PURA: variants seen among roughly 807,000 people sequenced by gnomAD.
PURA encodes the protein purine rich element binding protein A, also known as transcriptional activator protein Pur-alpha.
Under a neutral mutation model 23.1 loss-of-function variants are expected in PURA, and 2 were observed. The observed-to-expected ratio is 0.09, with a 90% confidence interval of 0.04 to 0.27. PURA has a LOEUF of 0.27. Ranked by LOEUF, PURA falls within the 10% of genes least tolerant of loss-of-function variation. The pLI is 1.00. For synonymous variants in PURA, 254 were observed against 205.9 expected (o/e 1.23, Z -2.00); for missense variants, 187 against 449.7 (o/e 0.42, Z 5.28).
rs1016110726 is a variant in PURA, at chr5:140,122,561, C to T, written c.*7411C>T. ...TTAACCTTGTAGACCTTATGAGGCC[C>T]TCAATAATACTGTATTTCTAAAATT... On this transcript the variant is annotated 3_prime_UTR_variant, in exon 1 of 1. Transcript: ENST00000331327. 2.4e-5 allele frequency: 4 copies of T among 166,804 alleles called. No homozygotes were observed. The highest frequency in any genetic ancestry group is 9.7e-5 in the African/African-American group (4 of 41,422). The allele number at this position is 166,804 out of a possible 1,614,324, so 10.3% of individuals were successfully genotyped here.
rs1301310773 is a variant in PURA, at chr5:140,121,385, A to C, written c.*6235A>C. 1 of 166,936 alleles carries C rather than the reference A, an allele frequency of 6.0e-6. No individual in the cohort carries two copies. The highest frequency in any genetic ancestry group is 2.4e-5 in the African/African-American group (1 of 41,432). 10.3% of individuals were successfully genotyped at this position (166,936 alleles called of 1,614,324 possible). On this transcript the variant is annotated 3_prime_UTR_variant, in exon 1 of 1. Transcript: ENST00000331327. ...TTGACTAGCTCAAACAATGATAGCC[A>C]TCAGCTAATGACTTATCAGACACAT...
chr5:140,114,463 C>A lies in PURA; in HGVS notation c.282C>A (p.Gly94=), dbSNP rs566627139. The A allele has an allele frequency of 6.2e-7, 1 of 1,612,460 alleles. No homozygotes were observed. The highest frequency in any genetic ancestry group is 8.5e-7 in the Non-Finnish European group (1 of 1,179,616). ...RFLKIAEVGA[G]GNKSRLTLSM... ...TGAAGATCGCCGAGGTGGGCGCGGG[C>A]GGCAACAAGAGCCGCCTTACTCTCT... Residue 94 remains glycine, a synonymous_variant, in exon 1 of 1, where the codon GGC becomes GGA. Coordinates refer to ENST00000331327, the MANE Select transcript of PURA (RefSeq NM_005859.5).
In PURA at chr5:140,114,281, GGTGGTGGCGGCGGGGGCGGCGGCGGCA is replaced by G. The variant is rs1433370088; in HGVS notation, c.105_131del (p.Gly41_Gly49del). 7.3e-6 allele frequency: 9 copies of G among 1,235,294 alleles called. No homozygotes were observed. Among genetic ancestry groups the G allele is most frequent in the African/African-American group, 1.6e-5 (1 of 63,082 alleles). 76.5% of individuals were successfully genotyped at this position (1,235,294 alleles called of 1,614,324 possible). ...CTCGGGCTCAGGCTCCGGCGGGGGCGGTGGTGGCGGCGGGGGCGGCGGCGGCAGTGGCGGCGGCGGCGGCGGGGCCCC... is the reference window on the plus strand; with the variant it reads ...CTCGGGCTCAGGCTCCGGCGGGGGCGGTGGCGGCGGCGGCGGCGGGGCCCC... On this transcript the variant is annotated inframe_deletion, in exon 1 of 1. Transcript: ENST00000331327.
At position 140,115,357 on chromosome 5, in the gene PURA, G is replaced by T; in HGVS notation, c.*207G>T. ...CTTCTTGACTTGCCACCCATCGCTGGATGTTGTCCACTTTATCCACCATAT... is the reference window on the plus strand; with the variant it reads ...CTTCTTGACTTGCCACCCATCGCTGTATGTTGTCCACTTTATCCACCATAT... On this transcript the variant is annotated 3_prime_UTR_variant, in exon 1 of 1. Coordinates refer to ENST00000331327, the MANE Select transcript of PURA (RefSeq NM_005859.5). This position sits in a 1 kb window ranked among gnomAD's most constrained non-coding sequence, Gnocchi z 4.1. 1 of 411,810 alleles carries T rather than the reference G, an allele frequency of 2.4e-6. No individual in the cohort carries two copies. 25.5% of individuals were successfully genotyped at this position (411,810 alleles called of 1,614,324 possible).
chr5:140,115,472 A>G lies in PURA; in HGVS notation c.*322A>G. The G allele has an allele frequency of 5.2e-6, 1 of 191,512 alleles. No homozygotes were observed. The highest frequency in any genetic ancestry group is 1.2e-5 in the Non-Finnish European group (1 of 84,558). 11.9% of individuals were successfully genotyped at this position (191,512 alleles called of 1,614,324 possible). ...TTTCCTACTTGATTAAAAAATATAA[A>G]GAACTGAGTGTTTATTTCCCTAATT... On this transcript the variant is annotated 3_prime_UTR_variant, in exon 1 of 1. Transcript: ENST00000331327. The surrounding 1 kb of genome is among the most constrained non-coding windows in gnomAD (Gnocchi z 4.1).
Position 140,120,401 on chromosome 5 carries a change from C to G in PURA, c.*5251C>G, listed in dbSNP as rs1763139576. On this transcript the variant is annotated 3_prime_UTR_variant, in exon 1 of 1. Transcript: ENST00000331327. ...TTTTAAATCACAATATTTCTGTTTT[C>G]TTCATTGCATATTAACCAAATTTTG... 6.0e-6 allele frequency: 1 copy of G among 166,722 alleles called. No homozygotes were observed. The highest frequency in any genetic ancestry group is 2.4e-5 in the African/African-American group (1 of 41,416). 10.3% of individuals were successfully genotyped at this position (166,722 alleles called of 1,614,324 possible).
chr5:140,114,271 C>T lies in PURA; in HGVS notation c.90C>T (p.Ser30=), dbSNP rs1763036542. The change falls in exon 1 of 1, where the codon TCC becomes TCT. Residue 30 remains serine (S), a synonymous_variant. Coordinates refer to ENST00000331327, the MANE Select transcript of PURA (RefSeq NM_005859.5). ...SLGHPGSGSG[S]GGGGGGGGGG... Reference sequence around the variant, plus strand: ...GGCACCCCGGCTCGGGCTCAGGCTCCGGCGGGGGCGGTGGTGGCGGCGGGG... The same window carrying T: ...GGCACCCCGGCTCGGGCTCAGGCTCTGGCGGGGGCGGTGGTGGCGGCGGGG... 5.0e-6 allele frequency: 6 copies of T among 1,206,104 alleles called. No homozygotes were observed. The South Asian group carries it at 2.5e-4, about 49-fold the overall frequency. 74.7% of individuals were successfully genotyped at this position (1,206,104 alleles called of 1,614,324 possible).
rs1306839246 is a variant in PURA, at chr5:140,116,251, C to G, written c.*1101C>G. The G allele has an allele frequency of 6.0e-6, 1 of 167,052 alleles. No individual in the cohort carries two copies. The highest frequency in any genetic ancestry group is 1.5e-5 in the Non-Finnish European group (1 of 68,120). The allele number at this position is 167,052 out of a possible 1,614,324, so 10.3% of individuals were successfully genotyped here. ...GTGAGTCTATTTGTGGTCACTAGCA[C>G]TGTCTCCTAAACTTGTAAGAGGTCT... is the stretch of plus-strand genomic sequence containing the variant. On this transcript the variant is annotated 3_prime_UTR_variant, in exon 1 of 1. Coordinates refer to ENST00000331327, the MANE Select transcript of PURA (RefSeq NM_005859.5).
chr5:140,123,582 ATGT>A lies in PURA; in HGVS notation c.*8434_*8436del, dbSNP rs1763174808. 1 of 166,578 alleles carries A rather than the reference ATGT, an allele frequency of 6.0e-6. No homozygotes were observed. Among genetic ancestry groups the A allele is most frequent in the Admixed American group, 6.5e-5 (1 of 15,290 alleles). The allele number at this position is 166,578 out of a possible 1,614,324, so 10.3% of individuals were successfully genotyped here. The stretch of plus-strand genomic sequence containing the variant: ...TATAAGGCCAAGAAAATATTTCTTA[ATGT>A]TAGCTGTATAAAACAAAAATTTGTT... On this transcript the variant is annotated 3_prime_UTR_variant, in exon 1 of 1. Coordinates refer to ENST00000331327, the MANE Select transcript of PURA (RefSeq NM_005859.5).
Position 140,120,368 on chromosome 5 carries a change from G to C in PURA, c.*5218G>C, listed in dbSNP as rs868152036. ...GTTATTTGTGTAGATTTGTTAAAGT[G>C]TATCAATTTTTAAATCACAATATTT... On this transcript the variant is annotated 3_prime_UTR_variant, in exon 1 of 1. Coordinates refer to ENST00000331327, the MANE Select transcript of PURA (RefSeq NM_005859.5). 6.0e-6 allele frequency: 1 copy of C among 166,722 alleles called. No individual in the cohort carries two copies. Among genetic ancestry groups the C allele is most frequent in the African/African-American group, 2.4e-5 (1 of 41,394 alleles). 10.3% of individuals were successfully genotyped at this position (166,722 alleles called of 1,614,324 possible). A position where few individuals can be genotyped will look rare whatever the true frequency, so the allele number is the denominator to read the frequency against.
Position 140,117,632 on chromosome 5 carries a change from G to C in PURA, c.*2482G>C, listed in dbSNP as rs554162526. The C allele has an allele frequency of 1.2e-5, 2 of 166,956 alleles. No homozygotes were observed. Among genetic ancestry groups the C allele is most frequent in the Non-Finnish European group, 2.9e-5 (2 of 68,086 alleles). The allele number at this position is 166,956 out of a possible 1,614,324, so 10.3% of individuals were successfully genotyped here. A position where few individuals can be genotyped will look rare whatever the true frequency, so the allele number is the denominator to read the frequency against. On this transcript the variant is annotated 3_prime_UTR_variant, in exon 1 of 1. Transcript: ENST00000331327. ...GCAAAGTGTCCTTTCTTTGAGATGC[G>C]AGTTCTTTCATGAGGTTTTCTTTAG...
chr5:140,115,000 G>C lies in PURA; in HGVS notation c.819G>C (p.Lys273Asn), dbSNP rs776488484. ...VWAKFGHTFC[K>N]YSEEMKKIQE... ...CCAAGTTCGGACACACCTTCTGCAA[G>C]TACTCGGAGGAGATGAAGAAGATTC... The change falls in exon 1 of 1, where the codon AAG (lysine) becomes AAC (asparagine). Residue 273 changes from lysine to asparagine, a missense_variant. By Grantham distance (94) the Lys-to-Asn change is moderately conservative (BLOSUM62 0). Transcript: ENST00000331327. 1 of 1,614,092 alleles carries C rather than the reference G, an allele frequency of 6.2e-7. No individual in the cohort carries two copies. The highest frequency in any genetic ancestry group is 1.3e-5 in the African/African-American group (1 of 74,932).
chr5:140,120,397 T>G lies in PURA; in HGVS notation c.*5247T>G, dbSNP rs1763139553. Reference sequence around the variant, plus strand: ...CAATTTTTAAATCACAATATTTCTGTTTTCTTCATTGCATATTAACCAAAT... The same window carrying G: ...CAATTTTTAAATCACAATATTTCTGGTTTCTTCATTGCATATTAACCAAAT... On this transcript the variant is annotated 3_prime_UTR_variant, in exon 1 of 1. Transcript: ENST00000331327. The G allele has an allele frequency of 6.0e-6, 1 of 166,864 alleles. No homozygotes were observed. Among genetic ancestry groups the G allele is most frequent in the Non-Finnish European group, 1.5e-5 (1 of 67,960 alleles). The allele number at this position is 166,864 out of a possible 1,614,324, so 10.3% of individuals were successfully genotyped here. A position where few individuals can be genotyped will look rare whatever the true frequency, so the allele number is the denominator to read the frequency against.
In PURA at chr5:140,124,549, T is replaced by C. The variant is rs1763185822; in HGVS notation, c.*9399T>C. On this transcript the variant is annotated 3_prime_UTR_variant, in exon 1 of 1. Coordinates refer to ENST00000331327, the MANE Select transcript of PURA (RefSeq NM_005859.5). Reference sequence around the variant, plus strand: ...CTTATGGCTTTGTTTTTACTTTGGGTAGAAGTTTAACTTCCATTGTTCAGA... The same window carrying C: ...CTTATGGCTTTGTTTTTACTTTGGGCAGAAGTTTAACTTCCATTGTTCAGA... 6.0e-6 allele frequency: 1 copy of C among 167,072 alleles called. No individual in the cohort carries two copies. The highest frequency in any genetic ancestry group is 2.1e-4 in the South Asian group (1 of 4,834). The allele number at this position is 167,072 out of a possible 1,614,324, so 10.3% of individuals were successfully genotyped here. A position where few individuals can be genotyped will look rare whatever the true frequency, so the allele number is the denominator to read the frequency against.
rs1763055081 is a variant in PURA, at chr5:140,114,962, T to C, written c.781T>C (p.Tyr261His). Residue 261 changes from tyrosine to histidine, a missense_variant, in exon 1 of 1, where the codon TAC becomes CAC. Physicochemically the swap from Tyr to His is moderately conservative, Grantham distance 83. Around this residue, in one of 9 missense-constraint regions of PURA, gnomAD observed 65 missense variants for 158.6 expected, o/e 0.41. Coordinates refer to ENST00000331327, the MANE Select transcript of PURA (RefSeq NM_005859.5). ...PTYRNSITVP[Y>H]KVWAKFGHTF... ...CTATCGCAACTCCATCACCGTGCCC[T>C]ACAAGGTGTGGGCCAAGTTCGGACA... 6.2e-7 allele frequency: 1 copy of C among 1,614,206 alleles called. No homozygotes were observed. The highest frequency in any genetic ancestry group is 8.5e-7 in the Non-Finnish European group (1 of 1,180,040).
Position 140,115,142 on chromosome 5 carries a change from G to A in PURA, c.961G>A (p.Glu321Lys). 6.5e-7 allele frequency: 1 copy of A among 1,541,722 alleles called. No individual in the cohort carries two copies. ...ACTGCAGGGTGAGGAAGAAGGGGAA[G>A]AAGATTGATCAAACTGAATGAAACC... is the stretch of plus-strand genomic sequence containing the variant. ...LLLQGEEEGE[E>K]D The change falls in exon 1 of 1, where the codon GAA (glutamate) becomes AAA (lysine). Residue 321 changes from glutamate (E) to lysine (K), a missense_variant. Coordinates refer to ENST00000331327, the MANE Select transcript of PURA (RefSeq NM_005859.5). This position sits in a 1 kb window ranked among gnomAD's most constrained non-coding sequence, Gnocchi z 4.1.
chr5:140,114,258 C>T lies in PURA; in HGVS notation c.77C>T (p.Ser26Leu), dbSNP rs1763036339. 2 of 1,187,302 alleles carry T rather than the reference C, an allele frequency of 1.7e-6. No individual in the cohort carries two copies. Among genetic ancestry groups the T allele is most frequent in the Non-Finnish European group, 2.1e-6 (2 of 968,926 alleles). 73.5% of individuals were successfully genotyped at this position (1,187,302 alleles called of 1,614,324 possible). A position where few individuals can be genotyped will look rare whatever the true frequency, so the allele number is the denominator to read the frequency against. ...GSGGSLGHPGSGSGSGGGGGG... is the reference protein window; with the variant it reads ...GSGGSLGHPGLGSGSGGGGGG... ...GGCGGCTCCCTGGGGCACCCCGGCT[C>T]GGGCTCAGGCTCCGGCGGGGGCGGT... is the stretch of plus-strand genomic sequence containing the variant. The change falls in exon 1 of 1, where the codon TCG (serine) becomes TTG (leucine). Residue 26 changes from serine (S) to leucine (L), a missense_variant. Transcript: ENST00000331327.
rs1175431283 is a variant in PURA, at chr5:140,114,295, GGGCGGCGGC to G, written c.118_126del (p.Gly40_Gly42del). On this transcript the variant is annotated inframe_deletion, in exon 1 of 1. Transcript: ENST00000331327. ...CCGGCGGGGGCGGTGGTGGCGGCGG[GGGCGGCGGC>G]GGCAGTGGCGGCGGCGGCGGCGGGG... 1.6e-6 allele frequency: 2 copies of G among 1,254,570 alleles called. No homozygotes were observed. Among genetic ancestry groups the G allele is most frequent in the East Asian group, 3.2e-5 (1 of 30,994 alleles). The allele number at this position is 1,254,570 out of a possible 1,614,324, so 77.7% of individuals were successfully genotyped here. A position where few individuals can be genotyped will look rare whatever the true frequency, so the allele number is the denominator to read the frequency against.
rs1231112867 is a variant in PURA, at chr5:140,116,522, A to G, written c.*1372A>G. 2 of 167,032 alleles carry G rather than the reference A, an allele frequency of 1.2e-5. No individual in the cohort carries two copies. Among genetic ancestry groups the G allele is most frequent in the Non-Finnish European group, 1.5e-5 (1 of 68,098 alleles). The allele number at this position is 167,032 out of a possible 1,614,324, so 10.3% of individuals were successfully genotyped here. On this transcript the variant is annotated 3_prime_UTR_variant, in exon 1 of 1. Coordinates refer to ENST00000331327, the MANE Select transcript of PURA (RefSeq NM_005859.5). The stretch of plus-strand genomic sequence containing the variant: ...GCCTTCTATCAAAAGTATGTTCTAT[A>G]ACTCATATATTCAAGGTGTAGGGTA...
Sources: gnomAD v4.1 joint callset for allele counts on GRCh38, gnomAD v4.1.1 for gene constraint, gnomAD v4.1.1 regional missense constraint, Gnocchi (gnomAD v3.1) non-coding constraint, MANE v1.5 for transcripts, NCBI Gene and HGNC (gene_info 2026-07-23, HGNC 2026-07-21) for gene names.